Variants in SLC39A11 observed in about 807,000 individuals in gnomAD.
SLC39A11 encodes the protein solute carrier family 39 member 11.
In SLC39A11, 33 loss-of-function variants were observed where a neutral mutation model predicts 36.1. The observed-to-expected ratio is 0.91, with a 90% CI of 0.69 to 1.22. The LOEUF is 1.22. Ranked by LOEUF, SLC39A11 falls within the 50% of genes most tolerant of loss-of-function variation. SLC39A11 has a pLI of 0.00. For missense variants in SLC39A11, 432 were observed against 430.3 expected (o/e 1.00, Z -0.03); for synonymous variants, 166 against 170.3 (o/e 0.97, Z 0.20).
intron 6 of SLC39A11, among the ~76,000 whole-genome samples, chr17:72,738,307 C>G (rs1018250377): frequency 4.6e-5 from 7 of 152,132 alleles, no homozygotes; most frequent in Non-Finnish European, 5.9e-5. Context: ...CCTGGCCAAG[C>G]AAGCATTTTT....
intron 6 of SLC39A11, among the ~76,000 whole-genome samples, chr17:72,809,846 G>C (rs2077378431): frequency 1.3e-5 from 2 of 152,154 alleles, no homozygotes; most frequent in South Asian, 4.1e-4. Context: ...GAGGTGGGCA[G>C]ATCACTTGAG....
At chr17:72,731,401 G>A (rs961316487) in intron 7 of SLC39A11, among the ~76,000 whole-genome samples, 11 of 152,278 alleles carry the variant, frequency 7.2e-5, no homozygotes, top group South Asian at 2.1e-4. Context: ...CCCAATGTTG[G>A]GGGTAGGACG....
intron 6 of SLC39A11, among the ~76,000 whole-genome samples, chr17:72,762,851 G>A (rs1209170124): frequency 6.6e-6 from 1 of 152,134 alleles, no homozygotes; most frequent in African/African-American, 2.4e-5. Flanking sequence ...TGCCCAGGCG[G>A]TTCCACTCTC....
intron 1 of SLC39A11, among the ~76,000 whole-genome samples, chr17:73,090,752 C>T (rs1489667693): frequency 6.6e-6 from 1 of 152,134 alleles, no homozygotes; most frequent in Non-Finnish European, 1.5e-5. Flanking sequence ...AGAGGGAGCT[C>T]GTGGGTGTTC....
chr17:72,744,369 G>A (rs894206858), intron 6 of SLC39A11, among the ~76,000 whole-genome samples: 4 of 152,098 alleles, frequency 2.6e-5, no homozygotes, highest in African/African-American at 9.7e-5. Flanking sequence ...TGACAAAGAT[G>A]TCTTCAGAGG....
intron 4 of SLC39A11, among the ~76,000 whole-genome samples, chr17:72,976,196 AAAT>A (rs2087839081): frequency 6.6e-6 from 1 of 150,890 alleles, no homozygotes; most frequent in South Asian, 2.1e-4. Context: ...AAAAAAAGGC[AAAT>A]AATGTCTTAG....
intron 7 of SLC39A11, among the ~76,000 whole-genome samples, chr17:72,658,300 A>C (rs934775546): frequency 3.9e-5 from 6 of 152,100 alleles, no homozygotes; most frequent in Non-Finnish European, 7.4e-5. Context: ...ACTTTTCCAG[A>C]GGTCTCTCAT....
At chr17:72,757,259 G>A (rs1158130175) in intron 6 of SLC39A11, among the ~76,000 whole-genome samples, 2 of 152,242 alleles carry the variant, frequency 1.3e-5, no homozygotes, top group African/African-American at 2.4e-5. Flanking sequence ...TAAACTCTTA[G>A]GGGTAAGAAC....
At chr17:73,047,022 TA>T (rs2059316920) in intron 3 of SLC39A11, among the ~76,000 whole-genome samples, 1 of 124,716 alleles carries the variant, frequency 8.0e-6, no homozygotes, top group Non-Finnish European at 1.8e-5. Flanking sequence ...TTTTTTATTT[TA>T]TTTATTTTTT....
At chr17:72,834,703 T>C (rs1031869370) in intron 6 of SLC39A11, among the ~76,000 whole-genome samples, 1 of 152,106 alleles carries the variant, frequency 6.6e-6, no homozygotes, top group African/African-American at 2.4e-5. Context: ...TACCTGGCCA[T>C]GGGAGAAAGA....
Position 72,909,907 on chromosome 17 carries a change from G to A in SLC39A11, c.430+37845C>T, listed in dbSNP as rs567794199. ...ACTCCAGGCGCCCGCCATTACGCCCGGCTACTTTTTTTTTTTGTATTTTTT... is the reference window on the plus strand; with the variant it reads ...ACTCCAGGCGCCCGCCATTACGCCCAGCTACTTTTTTTTTTTGTATTTTTT... On this transcript the variant is annotated intron_variant, in intron 5 of 9. Transcript: ENST00000255559. Among the ~76,000 whole-genome samples the A allele has an allele frequency of 1.1e-4, 16 of 151,846 alleles. No homozygotes were observed. In the East Asian group the frequency reaches 1.9e-3, roughly 18 times the overall value.
rs191193371 is a variant in SLC39A11, at chr17:73,057,964, G to C, written c.148-26250C>G. Among the ~76,000 whole-genome samples, 400 of 151,966 alleles carry C rather than the reference G, an allele frequency of 2.6e-3. 3 individuals are homozygous for C. The highest frequency in any genetic ancestry group is 9.1e-3 in the African/African-American group (378 of 41,468). On this transcript the variant is annotated intron_variant, in intron 3 of 9. Coordinates refer to ENST00000255559, the MANE Select transcript of SLC39A11 (RefSeq NM_139177.4). ...AAAAAAGAAAACACAGGCTGGCTTG[G>C]GAAGCTGCCTATCTTTAGTTATTTT...
At chr17:72,945,851 T>C (rs539113443) in intron 5 of SLC39A11, among the ~76,000 whole-genome samples, 23 of 152,274 alleles carry the variant, frequency 1.5e-4, no homozygotes, top group African/African-American at 5.1e-4. Context: ...AAAATGTCCA[T>C]CCAAGGGCTT....
At chr17:72,842,111 C>T (rs779655775) in intron 6 of SLC39A11, among the ~76,000 whole-genome samples, 9 of 108,708 alleles carry the variant, frequency 8.3e-5, no homozygotes, top group Admixed American at 1.9e-4. Context: ...TGCACGCACG[C>T]GCATATGTAT....
intron 5 of SLC39A11, among the ~76,000 whole-genome samples, chr17:72,860,412 T>C (rs1450736766): frequency 6.6e-6 from 1 of 152,226 alleles, no homozygotes; most frequent in Non-Finnish European, 1.5e-5. Context: ...AGACAGAATA[T>C]ACACATGTAT....
At chr17:73,058,089 C>G (rs933820405) in intron 3 of SLC39A11, among the ~76,000 whole-genome samples, 1 of 151,366 alleles carries the variant, frequency 6.6e-6, no homozygotes, top group African/African-American at 2.4e-5. Flanking sequence ...CTCTTTGCAC[C>G]CTAAATCACT....
At chr17:72,843,824 C>A (rs145190331) in intron 6 of SLC39A11, among the ~76,000 whole-genome samples, 176 of 152,264 alleles carry the variant, frequency 1.2e-3, no homozygotes, top group African/African-American at 4.1e-3. Flanking sequence ...AACTATTTGA[C>A]CTTGCACATG....
At chr17:72,736,818 G>T (rs1009493101) in intron 6 of SLC39A11, 99 bp from the exon 7 acceptor site, 8 of 982,856 alleles carry the variant, frequency 8.1e-6, no homozygotes, top group African/African-American at 6.4e-5. Flanking sequence ...GCATGAGGCT[G>T]CCAGTCAAAG....
chr17:73,055,550 C>A (rs182425106), intron 3 of SLC39A11, among the ~76,000 whole-genome samples: 1 of 151,968 alleles, frequency 6.6e-6, no homozygotes, highest in Non-Finnish European at 1.5e-5. Flanking sequence ...TCTCACCTCA[C>A]CCTCCCGATT....
Sources: gnomAD v4.1 joint callset for allele counts (sites outside exome capture counted in the v4.1 genomes callset) on GRCh38, gnomAD v4.1.1 for gene constraint, MANE v1.5 for transcripts, NCBI Gene and HGNC (gene_info 2026-07-23, HGNC 2026-07-21) for gene names.